IL1RAPL2: variants seen among roughly 807,000 people sequenced by gnomAD.
IL1RAPL2 encodes X-linked interleukin-1 receptor accessory protein-like 2.
Under a neutral mutation model 44.1 loss-of-function variants are expected in IL1RAPL2, and 3 were observed. That is an observed-to-expected ratio of 0.07 (90% CI 0.03 to 0.18). The LOEUF (loss-of-function observed/expected upper bound fraction) is 0.18, where lower values mean the gene tolerates loss of function less well. IL1RAPL2 is among the 10% of genes least tolerant of loss of function. The pLI is 1.00. For synonymous variants in IL1RAPL2, 181 were observed against 178.8 expected (o/e 1.01, Z -0.10); for missense variants, 391 against 496.4 (o/e 0.79, Z 2.02).
chrX:104,980,700 T>C (rs1161457887), intron 2 of IL1RAPL2, among the ~76,000 whole-genome samples: 1 of 112,524 alleles, frequency 8.9e-6, no homozygotes, highest in Non-Finnish European at 1.9e-5. Flanking sequence ...CATGCTGTTT[T>C]GGTTACAAAA....
intron 6 of IL1RAPL2, among the ~76,000 whole-genome samples, chrX:105,493,305 C>T (rs1245110322): frequency 9.0e-6 from 1 of 111,470 alleles, no homozygotes; most frequent in Non-Finnish European, 1.9e-5. Context: ...CTGGGTCATT[C>T]GGTCATTCTA....
chrX:104,651,030 A>G (rs913750451), intron 1 of IL1RAPL2, among the ~76,000 whole-genome samples: 1 of 112,225 alleles, frequency 8.9e-6, no homozygotes, highest in Admixed American at 9.5e-5. Flanking sequence ...GTTTAGCACA[A>G]TGTCTGGCCC....
At chrX:105,728,631 A>G (rs2147563254) in intron 7 of IL1RAPL2, among the ~76,000 whole-genome samples, 1 of 111,479 alleles carries the variant, frequency 9.0e-6, no homozygotes, top group Non-Finnish European at 1.9e-5. Flanking sequence ...GAACTCTCAT[A>G]TAGCCCCTTT....
chrX:104,885,913 G>A (rs1423920002), intron 2 of IL1RAPL2, among the ~76,000 whole-genome samples: 1 of 113,257 alleles, frequency 8.8e-6, no homozygotes, highest in South Asian at 3.6e-4. Flanking sequence ...TGGGCTGGAA[G>A]CCCCCAACCA....
At chrX:104,633,638 T>A (rs1929712770) in intron 1 of IL1RAPL2, among the ~76,000 whole-genome samples, 1 of 112,166 alleles carries the variant, frequency 8.9e-6, no homozygotes, top group African/African-American at 3.2e-5. Context: ...TAGAGGTGTT[T>A]ATAGTATTCT....
chrX:105,484,957 C>T (rs1027143824), intron 6 of IL1RAPL2, among the ~76,000 whole-genome samples: 38 of 111,572 alleles, frequency 3.4e-4, no homozygotes, highest in African/African-American at 1.2e-3. Context: ...CAAGGTGTTA[C>T]ACCTCTTTTT....
chrX:105,137,373 A>G, intron 2 of IL1RAPL2, among the ~76,000 whole-genome samples: 1 of 112,212 alleles, frequency 8.9e-6, no homozygotes, highest in Non-Finnish European at 1.9e-5. Context: ...TTTCCCTTGG[A>G]CAACTCTGTT....
rs771840025 is a variant in IL1RAPL2, at chrX:104,807,618, A to AC, written c.82+148629dup. On this transcript the variant is annotated intron_variant, in intron 2 of 10. Transcript: ENST00000372582. ...TTCCACAAGCCCACCATCAGTCTCA[A>AC]CCCCCCAGACGATCACGGTTAACTC... Among the ~76,000 whole-genome samples the AC allele has an allele frequency of 8.3e-4, 92 of 111,195 alleles. 3 individuals carry two copies. The East Asian group carries it at 0.023, about 28-fold the overall frequency.
At chrX:105,303,963 T>C (rs1229063860) in intron 5 of IL1RAPL2, among the ~76,000 whole-genome samples, 2 of 112,606 alleles carry the variant, frequency 1.8e-5, no homozygotes, top group East Asian at 5.6e-4. Context: ...TCAGAAACCA[T>C]TTCTCTGCTG....
chrX:105,699,440 C>G (rs1321240088), intron 6 of IL1RAPL2, among the ~76,000 whole-genome samples: 1 of 111,841 alleles, frequency 8.9e-6, no homozygotes, highest in Non-Finnish European at 1.9e-5. Context: ...CCTTGCCTTC[C>G]TAGATCTACA....
At chrX:105,075,619 A>G (rs1435615717) in intron 2 of IL1RAPL2, among the ~76,000 whole-genome samples, 4 of 112,041 alleles carry the variant, frequency 3.6e-5, no homozygotes, top group African/African-American at 1.3e-4. Context: ...AAGGAATGGT[A>G]CCAGCTCCTC....
chrX:105,087,116 G>A (rs1352188582), intron 2 of IL1RAPL2, among the ~76,000 whole-genome samples: 1 of 111,400 alleles, frequency 9.0e-6, no homozygotes, highest in Non-Finnish European at 1.9e-5. Flanking sequence ...CTGAGTTTAA[G>A]CATGTGGGAA....
chrX:105,017,414 G>C (rs1172938038), intron 2 of IL1RAPL2, among the ~76,000 whole-genome samples: 2 of 111,104 alleles, frequency 1.8e-5, no homozygotes, highest in Admixed American at 9.6e-5. Flanking sequence ...TTTGAACTCG[G>C]AGATTTTAAA....
chrX:104,908,387 T>C (rs1924107702), intron 2 of IL1RAPL2, among the ~76,000 whole-genome samples: 1 of 111,830 alleles, frequency 8.9e-6, no homozygotes, highest in African/African-American at 3.3e-5. Context: ...TGATGCAGTT[T>C]CTTCCTAGTC....
At chrX:105,369,714 C>T (rs1333478164) in intron 5 of IL1RAPL2, among the ~76,000 whole-genome samples, 1 of 111,304 alleles carries the variant, frequency 9.0e-6, no homozygotes, top group African/African-American at 3.3e-5. Context: ...ACAGACCCAA[C>T]AACTTCTAGA....
chrX:105,658,724 G>A lies in IL1RAPL2; in HGVS notation c.773-58643G>A, dbSNP rs773748529. ...GCCTGTAACCCCAGCACTTTGGGAG[G>A]TGGGCAGATCATGAGGTCAGGAGTT... On this transcript the variant is annotated intron_variant, in intron 6 of 10. Transcript: ENST00000372582. 2.9e-4 allele frequency among the ~76,000 whole-genome samples: 32 copies of A among 109,118 alleles called. No homozygotes were observed. The East Asian group carries it at 8.4e-3, about 29-fold the overall frequency. 94.8% of individuals were successfully genotyped at this position (109,118 alleles called of 115,157 possible).
At chrX:104,677,023 T>A (rs1297350023) in intron 2 of IL1RAPL2, among the ~76,000 whole-genome samples, 3 of 111,568 alleles carry the variant, frequency 2.7e-5, no homozygotes, top group African/African-American at 6.5e-5. Context: ...AGTTTTCAAC[T>A]TCTTTGCCTT....
intron 2 of IL1RAPL2, among the ~76,000 whole-genome samples, chrX:104,954,460 G>C (rs975437126): frequency 6.2e-5 from 7 of 112,672 alleles, no homozygotes; most frequent in Non-Finnish European, 1.3e-4. Flanking sequence ...CTTCAAGTCT[G>C]ATGGGCAAGA....
intron 5 of IL1RAPL2, among the ~76,000 whole-genome samples, chrX:105,321,092 C>T (rs761110199): frequency 3.6e-5 from 4 of 111,520 alleles, no homozygotes; most frequent in Non-Finnish European, 5.6e-5. Flanking sequence ...TGGGGTGGGG[C>T]ATCTGTGCTG....
Sources: allele counts gnomAD v4.1 joint callset (sites outside exome capture counted in the v4.1 genomes callset), GRCh38; gene constraint gnomAD v4.1.1; transcripts MANE v1.5; gene names NCBI Gene and HGNC (gene_info 2026-07-23, HGNC 2026-07-21).